PKHD1: variants seen among roughly 807,000 people sequenced by gnomAD.
PKHD1 encodes fibrocystin.
PKHD1 carries 291 observed loss-of-function variants against 412.0 expected under a neutral mutation model. The observed-to-expected ratio is 0.71, with a 90% confidence interval of 0.64 to 0.78. The LOEUF is 0.78. PKHD1 is among the 30% of genes least tolerant of loss of function. The pLI is 0.00. For synonymous variants in PKHD1, 1,777 were observed against 1,821.5 expected (o/e 0.98, Z 0.62); for missense variants, 4,825 against 4,950.7 (o/e 0.97, Z 0.76).
At chr6:51,920,352 T>A (rs995547377) in intron 37 of PKHD1, among the ~76,000 whole-genome samples, 12 of 152,254 alleles carry the variant, frequency 7.9e-5, no homozygotes, top group Non-Finnish European at 1.5e-5. Context: ...TTGAATTTTG[T>A]CGAAGGCCTT....
intron 63 of PKHD1, among the ~76,000 whole-genome samples, chr6:51,641,322 G>T (rs1189868561): frequency 6.6e-6 from 1 of 152,172 alleles, no homozygotes; most frequent in Non-Finnish European, 1.5e-5. Flanking sequence ...CTTGAGTGTG[G>T]CTTGGTGTCC....
At chr6:52,019,828 T>C (rs565841345) in intron 33 of PKHD1, among the ~76,000 whole-genome samples, 1 of 152,330 alleles carries the variant, frequency 6.6e-6, no homozygotes, top group African/African-American at 2.4e-5. Flanking sequence ...TGGCAACTCA[T>C]TACAAGAAAA....
Position 51,914,406 on chromosome 6 carries a change from T to C in PKHD1, c.6122-1830A>G, listed in dbSNP as rs1266873. On this transcript the variant is annotated intron_variant, in intron 37 of 66. Transcript: ENST00000371117. ...TGCAAAAATAACACCTCTATGTGTA[T>C]GGTTAAAACATCAAGCCTGGATGTT... is the stretch of plus-strand genomic sequence containing the variant. Among the ~76,000 whole-genome samples the C allele has an allele frequency of 3.9e-3, 600 of 152,220 alleles. 2 individuals carry two copies. Among genetic ancestry groups the C allele is most frequent in the African/African-American group, 0.014 (572 of 41,548 alleles).
At chr6:52,033,008 C>A in intron 29 of PKHD1, 22 bp downstream of exon 29, 6 of 1,597,770 alleles carry the variant, frequency 3.8e-6, no homozygotes, top group Non-Finnish European at 5.1e-6. Context: ...AGAAAAAGAT[C>A]TTGCAGTATC....
intron 34 of PKHD1, among the ~76,000 whole-genome samples, chr6:52,011,900 G>A (rs1799877738): frequency 6.6e-6 from 1 of 152,178 alleles, no homozygotes; most frequent in Admixed American, 6.5e-5. Flanking sequence ...ACTCCGGTCT[G>A]CCTTTATCTG....
At chr6:51,988,940 G>T (rs572286093) in intron 35 of PKHD1, among the ~76,000 whole-genome samples, 2 of 152,210 alleles carry the variant, frequency 1.3e-5, no homozygotes, top group African/African-American at 4.8e-5. Context: ...CACAGCACTA[G>T]CTATAGAAAA....
intron 36 of PKHD1, among the ~76,000 whole-genome samples, chr6:51,940,713 C>T (rs573003940): frequency 2.0e-5 from 3 of 151,730 alleles, no homozygotes; most frequent in African/African-American, 7.2e-5. Context: ...CTCTGGGTAA[C>T]TCTCACAGTG....
At chr6:51,621,464 A>G (rs1766606339) in intron 66 of PKHD1, among the ~76,000 whole-genome samples, 1 of 152,206 alleles carries the variant, frequency 6.6e-6, no homozygotes, top group Non-Finnish European at 1.5e-5. Context: ...CAAACACTGC[A>G]AGTCGCCTAT....
intron 52 of PKHD1, among the ~76,000 whole-genome samples, chr6:51,821,949 A>T (rs919269186): frequency 6.6e-6 from 1 of 152,160 alleles, no homozygotes; most frequent in African/African-American, 2.4e-5. Context: ...GGACTCCCAA[A>T]GTGCTGGGAT....
rs1212815187 is a variant in PKHD1 at position 51,722,462 on chromosome 6, T to TA, written c.10156+21922dup. On this transcript the variant is annotated intron_variant, in intron 60 of 66. Transcript: ENST00000371117. Reference sequence around the variant, plus strand: ...CAAAGCCTGGCTTTATCACTTGATATAAAAAAGCAAAGGCCCTAAACTCTG... The same window carrying TA: ...CAAAGCCTGGCTTTATCACTTGATATAAAAAAAGCAAAGGCCCTAAACTCTG... 2.6e-5 allele frequency among the ~76,000 whole-genome samples: 4 copies of TA among 152,276 alleles called. No individual in the cohort carries two copies. The East Asian group carries it at 7.7e-4, about 29-fold the overall frequency.
intron 37 of PKHD1, among the ~76,000 whole-genome samples, chr6:51,919,646 T>G (rs916190854): frequency 1.3e-5 from 2 of 152,156 alleles, no homozygotes; most frequent in Non-Finnish European, 2.9e-5. Flanking sequence ...TTTAAAGAAG[T>G]TTTTTCCAAT....
At chr6:51,977,945 G>C (rs1341718423) in intron 35 of PKHD1, among the ~76,000 whole-genome samples, 1 of 152,200 alleles carries the variant, frequency 6.6e-6, no homozygotes, top group Non-Finnish European at 1.5e-5. Flanking sequence ...AGGCAGACTG[G>C]ATTGGTGAGG....
chr6:51,961,061 T>G (rs986727737), intron 35 of PKHD1, among the ~76,000 whole-genome samples: 3 of 152,044 alleles, frequency 2.0e-5, no homozygotes, highest in African/African-American at 7.2e-5. Context: ...TTCTTCCCAT[T>G]CAGATTCCAA....
At chr6:51,675,050 C>T (rs1431149276) in intron 60 of PKHD1, among the ~76,000 whole-genome samples, 1 of 152,088 alleles carries the variant, frequency 6.6e-6, no homozygotes, top group African/African-American at 2.4e-5. Context: ...GTATCTTATT[C>T]ATTTTCCTAG....
chr6:51,702,523 C>A (rs533541125), intron 60 of PKHD1, among the ~76,000 whole-genome samples: 22 of 151,914 alleles, frequency 1.4e-4, no homozygotes, highest in African/African-American at 5.1e-4. Context: ...TCACAAATCA[C>A]CTCTAAAGGA....
chr6:51,745,535 A>T lies in PKHD1; in HGVS notation c.9999-993T>A, dbSNP rs6940252. On this transcript the variant is annotated intron_variant, in intron 59 of 66. Transcript: ENST00000371117. ...TTTGATCTTGGACTCCCCAGCCTCC[A>T]GAACTATAAGAAATAAATTTATGTC... Among the ~76,000 whole-genome samples the T allele has an allele frequency of 5.1e-3, 772 of 152,216 alleles. 9 individuals are homozygous for T. Among genetic ancestry groups the T allele is most frequent in the African/African-American group, 0.017 (719 of 41,538 alleles).
In PKHD1 at chr6:52,084,994, G is replaced by T. The variant is rs1049212136; in HGVS notation, c.-61C>A. On this transcript the variant is annotated 5_prime_UTR_variant, in exon 2 of 67. An upstream open reading frame in the 5' UTR gains an earlier in-frame stop. Transcript: ENST00000371117. ...AGACATTAAAAGCATTTTCAGTTTT[G>T]ATTGGAGCAGCATAGCTTTTGTGCT... 14 of 1,099,898 alleles carry T rather than the reference G, an allele frequency of 1.3e-5. No individual in the cohort carries two copies. Among genetic ancestry groups the T allele is most frequent in the South Asian group, 3.7e-5 (3 of 80,928 alleles). 68.1% of individuals were successfully genotyped at this position (1,099,898 alleles called of 1,614,324 possible).
chr6:51,981,346 C>CCG (rs1795188722), intron 35 of PKHD1, among the ~76,000 whole-genome samples: 1 of 99,258 alleles, frequency 1.0e-5, no homozygotes, highest in Non-Finnish European at 2.3e-5. Context: ...TCTCCCTCTC[C>CCG]CTCTCCCTCT....
intron 37 of PKHD1, among the ~76,000 whole-genome samples, chr6:51,922,695 G>C (rs1371458993): frequency 6.6e-6 from 1 of 152,196 alleles, no homozygotes; most frequent in Non-Finnish European, 1.5e-5. Context: ...TTTGATCTCA[G>C]ACAGCTGTGC....
Sources: gnomAD v4.1 joint callset for allele counts (sites outside exome capture counted in the v4.1 genomes callset) on GRCh38, gnomAD v4.1.1 for gene constraint, MANE v1.5 for transcripts, NCBI Gene and HGNC (gene_info 2026-07-23, HGNC 2026-07-21) for gene names.